The following PKIB variants were observed in gnomAD, a reference collection of about 807,000 sequenced individuals.
The protein encoded by PKIB is PKI-beta.
PKIB carries 2 observed loss-of-function variants against 4.5 expected under a neutral mutation model. The observed-to-expected ratio is 0.44, with a 90% CI of 0.18 to 1.39. PKIB has a LOEUF of 1.39. PKIB is among the 40% of genes most tolerant of loss of function. The probability of loss-of-function intolerance (pLI) is 0.27; values close to 1 mark genes in which losing one functional copy is unlikely to be tolerated. For synonymous variants in PKIB, 38 were observed against 36.0 expected (o/e 1.06, Z -0.20); for missense variants, 94 against 92.6 (o/e 1.02, Z -0.06).
At chr6:122,539,032 G>A (rs1777501433) in intron 2 of PKIB, among the ~76,000 whole-genome samples, 1 of 152,018 alleles carries the variant, frequency 6.6e-6, no homozygotes, top group South Asian at 2.1e-4. Flanking sequence ...CATTGATTTT[G>A]TATCCTGAGA....
intron 2 of PKIB, among the ~76,000 whole-genome samples, chr6:122,549,365 C>A (rs1045595981): frequency 1.3e-5 from 2 of 152,114 alleles, no homozygotes; most frequent in African/African-American, 4.8e-5. Context: ...TCTTATATTT[C>A]TTTTAGACAA....
At chr6:122,484,508 A>G (rs943708425) in intron 2 of PKIB, among the ~76,000 whole-genome samples, 2 of 152,218 alleles carry the variant, frequency 1.3e-5, no homozygotes, top group African/African-American at 2.4e-5. Context: ...TAGTAAGAGG[A>G]ATTATTTATT....
intron 2 of PKIB, among the ~76,000 whole-genome samples, chr6:122,574,120 A>G (rs940711772): frequency 6.6e-6 from 1 of 152,194 alleles, no homozygotes; most frequent in African/African-American, 2.4e-5. Context: ...GCTATACACC[A>G]ACAACAATTA....
At chr6:122,556,983 G>A (rs905675432) in intron 2 of PKIB, among the ~76,000 whole-genome samples, 1 of 152,212 alleles carries the variant, frequency 6.6e-6, no homozygotes, top group African/African-American at 2.4e-5. Flanking sequence ...GGAGGCTGAA[G>A]TGGGTGGATT....
At position 122,720,573 on chromosome 6, in the gene PKIB, G is replaced by A. The variant is rs545445357; in HGVS notation, c.169+2610G>A. Among the ~76,000 whole-genome samples the A allele has an allele frequency of 7.9e-5, 12 of 152,062 alleles. No individual in the cohort carries two copies. The South Asian group carries it at 2.5e-3, about 32-fold the overall frequency. On this transcript the variant is annotated intron_variant, in intron 4 of 4. Coordinates refer to ENST00000368452, the MANE Select transcript of PKIB (RefSeq NM_181795.3). ...GGATGGGCAATTTTAAGAGTTGGAG[G>A]AGTGAAAATTTTTGTCTTCAGGATG...
intron 3 of PKIB, among the ~76,000 whole-genome samples, chr6:122,687,603 A>G (rs1392002985): frequency 6.6e-6 from 1 of 152,168 alleles, no homozygotes; most frequent in African/African-American, 2.4e-5. Flanking sequence ...ATCCACGAAC[A>G]TGGAATATCT....
At chr6:122,618,745 A>G (rs1356435167) in intron 1 of PKIB, among the ~76,000 whole-genome samples, 1 of 152,086 alleles carries the variant, frequency 6.6e-6, no homozygotes, top group Non-Finnish European at 1.5e-5. Flanking sequence ...ATTCAGTTTT[A>G]TAAACAATAG....
intron 2 of PKIB, chr6:122,531,406 T>C (rs929403157): frequency 1.3e-5 from 2 of 152,288 alleles, no homozygotes; most frequent in South Asian, 4.2e-4. Flanking sequence ...TCATTGTAGT[T>C]ACCTATAAAT....
intron 2 of PKIB, among the ~76,000 whole-genome samples, chr6:122,562,539 C>T (rs1163120625): frequency 6.6e-6 from 1 of 152,144 alleles, no homozygotes; most frequent in Non-Finnish European, 1.5e-5. Flanking sequence ...CAATTATTCC[C>T]CCAAATATGT....
chr6:122,694,888 T>C (rs4245522), intron 3 of PKIB, among the ~76,000 whole-genome samples: 150,537 of 152,266 alleles, frequency 0.99, 74,434 homozygotes, highest in East Asian at 1. Flanking sequence ...TGACAGTAGA[T>C]GCATATTGAT....
intron 1 of PKIB, among the ~76,000 whole-genome samples, chr6:122,474,648 G>T: frequency 6.6e-6 from 1 of 152,264 alleles, no homozygotes; most frequent in East Asian, 1.9e-4. Context: ...CAAATAAATG[G>T]TATGTAAAAT....
intron 3 of PKIB, among the ~76,000 whole-genome samples, chr6:122,713,222 T>A (rs1489810961): frequency 2.0e-5 from 3 of 152,158 alleles, no homozygotes; most frequent in Non-Finnish European, 2.9e-5. Flanking sequence ...CAAGGACTTT[T>A]GTGAAATCTC....
Position 122,529,721 on chromosome 6 carries a change from G to A in PKIB, c.-248+51782G>A, listed in dbSNP as rs185164614. Among the ~76,000 whole-genome samples, 15 of 152,162 alleles carry A rather than the reference G, an allele frequency of 9.9e-5. No individual in the cohort carries two copies. The East Asian group carries it at 2.9e-3, about 29-fold the overall frequency. ...CTGGATACAGTATTTATTGATGATA[G>A]TTTTGTTTTCCTTTCTACACTTTGA... On this transcript the variant is annotated intron_variant, in intron 2 of 6. Coordinates refer to the PKIB transcript ENST00000392491.
rs79348676 is a variant in PKIB, at chr6:122,555,216, C to T, written c.-247-30705C>T. On this transcript the variant is annotated intron_variant, in intron 2 of 6. Coordinates refer to the PKIB transcript ENST00000392491. ...AATAAAGGATATTTGAGTTGAGTCTCGAGGATTAATTGAGTAATCCACGAG... is the reference window on the plus strand; with the variant it reads ...AATAAAGGATATTTGAGTTGAGTCTTGAGGATTAATTGAGTAATCCACGAG... Among the ~76,000 whole-genome samples the T allele has an allele frequency of 6.4e-3, 973 of 152,172 alleles. 15 individuals carry two copies. Among genetic ancestry groups the T allele is most frequent in the African/African-American group, 0.022 (932 of 41,526 alleles).
At chr6:122,568,403 G>A (rs1178250673) in intron 2 of PKIB, among the ~76,000 whole-genome samples, 3 of 152,176 alleles carry the variant, frequency 2.0e-5, no homozygotes, top group East Asian at 3.9e-4. Flanking sequence ...AGTCCCCAGA[G>A]TGTGATAGAG....
chr6:122,596,987 T>C (rs535878537), intron 3 of PKIB, among the ~76,000 whole-genome samples: 59 of 152,340 alleles, frequency 3.9e-4, no homozygotes, highest in Admixed American at 2.7e-3. Flanking sequence ...TTGTACATCT[T>C]TCTTGGTTTT....
chr6:122,642,996 A>G (rs1045579463), intron 2 of PKIB, among the ~76,000 whole-genome samples: 1 of 152,090 alleles, frequency 6.6e-6, no homozygotes, highest in African/African-American at 2.4e-5. Flanking sequence ...TTTTTTTAAA[A>G]AAGAGGCAGT....
intron 2 of PKIB, among the ~76,000 whole-genome samples, chr6:122,579,721 G>A (rs753633407): frequency 2.0e-5 from 3 of 152,102 alleles, no homozygotes; most frequent in Non-Finnish European, 4.4e-5. Flanking sequence ...CATGTATCAA[G>A]ATCAGGTTGT....
chr6:122,616,058 A>C (rs1774972195), intron 1 of PKIB, among the ~76,000 whole-genome samples: 1 of 152,204 alleles, frequency 6.6e-6, no homozygotes, highest in Non-Finnish European at 1.5e-5. Flanking sequence ...TAACAAGCTC[A>C]GAAGATGCAG....
Sources: gnomAD v4.1 joint callset for allele counts (sites outside exome capture counted in the v4.1 genomes callset) on GRCh38, gnomAD v4.1.1 for gene constraint, MANE v1.5 for transcripts, NCBI Gene and HGNC (gene_info 2026-07-23, HGNC 2026-07-21) for gene names.